The following PDE9A variants were observed in gnomAD, a reference collection of about 807,000 sequenced individuals.
PDE9A encodes high affinity cGMP-specific 3',5'-cyclic phosphodiesterase 9A.
In PDE9A, 60 loss-of-function variants were observed where a neutral mutation model predicts 87.4. The observed-to-expected ratio is 0.69, with a 90% confidence interval of 0.56 to 0.85. The LOEUF (loss-of-function observed/expected upper bound fraction) is 0.85, where lower values mean the gene tolerates loss of function less well. PDE9A is among the 40% of genes least tolerant of loss of function. PDE9A has a pLI of 0.00. For missense variants in PDE9A, 665 were observed against 779.0 expected (o/e 0.85, Z 1.74); for synonymous variants, 272 against 279.4 (o/e 0.97, Z 0.27).
chr21:42,687,704 A>C (rs1384570152), intron 2 of PDE9A, among the ~76,000 whole-genome samples: 4 of 152,190 alleles, frequency 2.6e-5, no homozygotes, highest in Non-Finnish European at 5.9e-5. Context: ...ATCTACACGC[A>C]CTTAGGATTA....
intron 8 of PDE9A, among the ~76,000 whole-genome samples, chr21:42,749,966 C>T (rs889181991): frequency 6.6e-6 from 1 of 150,804 alleles, no homozygotes; most frequent in African/African-American, 2.4e-5. Flanking sequence ...GGTGAAACCC[C>T]GTCTCTACTA....
chr21:42,746,782 G>T (rs545699333), intron 8 of PDE9A, among the ~76,000 whole-genome samples: 1 of 152,330 alleles, frequency 6.6e-6, no homozygotes, highest in South Asian at 2.1e-4. Context: ...CAGGCACGCC[G>T]GGCTGTGGGG....
intron 1 of PDE9A, among the ~76,000 whole-genome samples, chr21:42,683,014 C>CA (rs1418167957): frequency 4.6e-5 from 7 of 152,126 alleles, no homozygotes; most frequent in Non-Finnish European, 7.4e-5. Flanking sequence ...TTTCAGTTTA[C>CA]AAAAAATCTA....
In PDE9A at chr21:42,739,442, C is replaced by T. The variant is rs2052866453; in HGVS notation, c.569-4334C>T. The stretch of plus-strand genomic sequence containing the variant: ...TGAGGAGGCAGGACCCCCGGGGACA[C>T]AGGCACACACATCCACCACATGCTC... On this transcript the variant is annotated intron_variant, in intron 7 of 19. Coordinates refer to ENST00000291539, the MANE Select transcript of PDE9A (RefSeq NM_002606.3). This position sits in a 1 kb window ranked among gnomAD's most constrained non-coding sequence, Gnocchi z 4.1. Among the ~76,000 whole-genome samples, 1 of 152,226 alleles carries T rather than the reference C, an allele frequency of 6.6e-6. No individual in the cohort carries two copies. Among genetic ancestry groups the T allele is most frequent in the Non-Finnish European group, 1.5e-5 (1 of 68,036 alleles).
chr21:42,682,535 C>A (rs944588367), intron 1 of PDE9A, among the ~76,000 whole-genome samples: 9 of 152,180 alleles, frequency 5.9e-5, no homozygotes, highest in African/African-American at 2.2e-4. Flanking sequence ...GAAGCAAAAG[C>A]CTCTGTTGTT....
rs749339820 is a variant in PDE9A at position 42,759,414 on chromosome 21, TGAGA to T, written c.897+331_897+334del. Among the ~76,000 whole-genome samples the T allele has an allele frequency of 1.3e-5, 2 of 148,420 alleles. No homozygotes were observed. Among genetic ancestry groups the T allele is most frequent in the Non-Finnish European group, 3.0e-5 (2 of 66,970 alleles). ...GTGTGTGTGGGAGCGTGTGTGTGTG[TGAGA>T]GTGAGTATGGGGGTGTGGATGTGAG... On this transcript the variant is annotated intron_variant, in intron 11 of 19. Transcript: ENST00000291539. The surrounding 1 kb of genome is among the most constrained non-coding windows in gnomAD (Gnocchi z 7.2).
Position 42,659,248 on chromosome 21 carries a change from G to A in PDE9A, c.69+5365G>A, listed in dbSNP as rs2057311729. 6.6e-6 allele frequency among the ~76,000 whole-genome samples: 1 copy of A among 152,182 alleles called. No homozygotes were observed. Among genetic ancestry groups the A allele is most frequent in the Non-Finnish European group, 1.5e-5 (1 of 68,022 alleles). Reference sequence around the variant, plus strand: ...ATTTCCAATGTCCAGAGGCCCAGGAGGGGACAGCTGGAAGCCAGAAGCCCA... The same window carrying A: ...ATTTCCAATGTCCAGAGGCCCAGGAAGGGACAGCTGGAAGCCAGAAGCCCA... On this transcript the variant is annotated intron_variant, in intron 1 of 19. Transcript: ENST00000291539. This position sits in a 1 kb window ranked among gnomAD's most constrained non-coding sequence, Gnocchi z 4.1.
intron 1 of PDE9A, among the ~76,000 whole-genome samples, chr21:42,655,550 C>A (rs539051718): frequency 1.3e-5 from 2 of 152,286 alleles, no homozygotes; most frequent in African/African-American, 4.8e-5. Flanking sequence ...CATGTGGCAC[C>A]TTTGCGGGGG....
At chr21:42,720,073 G>GAC (rs1178327423) in intron 4 of PDE9A, among the ~76,000 whole-genome samples, 1 of 152,168 alleles carries the variant, frequency 6.6e-6, no homozygotes, top group African/African-American at 2.4e-5. Context: ...AGGTTACAGT[G>GAC]ACACACACAC....
In PDE9A at chr21:42,681,432, G is replaced by A. The variant is rs145182689; in HGVS notation, c.70-4760G>A. The stretch of plus-strand genomic sequence containing the variant: ...CTGATGTACACTTCTGGCTGGGTGC[G>A]TGGGAGCCACACACATCTCTGTGTG... On this transcript the variant is annotated intron_variant, in intron 1 of 19. Coordinates refer to ENST00000291539, the MANE Select transcript of PDE9A (RefSeq NM_002606.3). 5.3e-3 allele frequency among the ~76,000 whole-genome samples: 803 copies of A among 152,302 alleles called. 4 individuals carry two copies. Among genetic ancestry groups the A allele is most frequent in the East Asian group, 7.3e-3 (38 of 5,178 alleles).
chr21:42,766,111 T>G (rs1041391595), intron 15 of PDE9A, among the ~76,000 whole-genome samples: 7 of 152,186 alleles, frequency 4.6e-5, no homozygotes, highest in South Asian at 4.1e-4. Context: ...GGAGGATTGC[T>G]TGAGTCCAAA....
intron 16 of PDE9A, chr21:42,768,557 C>T: frequency 7.8e-7 from 1 of 1,282,380 alleles, no homozygotes; most frequent in Non-Finnish European, 9.8e-7. Flanking sequence ...TTACAAGCAG[C>T]CTTGTCAAAC....
At chr21:42,663,164 A>G (rs1665586360) in intron 1 of PDE9A, among the ~76,000 whole-genome samples, 1 of 149,148 alleles carries the variant, frequency 6.7e-6, no homozygotes, top group African/African-American at 2.5e-5. Flanking sequence ...CATATACATC[A>G]CACACACATC....
intron 13 of PDE9A, 122 bp downstream of exon 13, chr21:42,761,029 C>A: frequency 1.4e-6 from 1 of 705,944 alleles, no homozygotes; most frequent in East Asian, 2.6e-5. Context: ...CTCCCAGCCC[C>A]CAACTCTGCC....
chr21:42,743,730 C>A (rs900173374), intron 7 of PDE9A, 46 bp from the exon 8 acceptor site: 1 of 1,247,856 alleles, frequency 8.0e-7, no homozygotes, highest in Non-Finnish European at 1.2e-6. Flanking sequence ...AGATCCTCCA[C>A]ATTCGTCCGT....
Position 42,722,829 on chromosome 21 carries a change from G to A in PDE9A, c.263-8941G>A, listed in dbSNP as rs189654448. Among the ~76,000 whole-genome samples, 462 of 152,366 alleles carry A rather than the reference G, an allele frequency of 3.0e-3. 1 individual carries two copies. The highest frequency in any genetic ancestry group is 0.011 in the African/African-American group (442 of 41,578). Reference sequence around the variant, plus strand: ...TAGAATCAGAATTATGGGTCAGGCTGTGCTAGCAATCAGTGAAATCAAATT... The same window carrying A: ...TAGAATCAGAATTATGGGTCAGGCTATGCTAGCAATCAGTGAAATCAAATT... On this transcript the variant is annotated intron_variant, in intron 4 of 19. Coordinates refer to ENST00000291539, the MANE Select transcript of PDE9A (RefSeq NM_002606.3). The surrounding 1 kb of genome is among the most constrained non-coding windows in gnomAD (Gnocchi z 4.1).
intron 7 of PDE9A, among the ~76,000 whole-genome samples, chr21:42,738,543 C>T (rs1857683850): frequency 6.6e-6 from 1 of 152,138 alleles, no homozygotes; most frequent in South Asian, 2.1e-4. Flanking sequence ...GCTCGGCTCT[C>T]TCTGACCCCC....
Position 42,762,114 on chromosome 21 carries a change from G to T in PDE9A, c.1117G>T (p.Val373Phe). 6.2e-7 allele frequency: 1 copy of T among 1,614,080 alleles called. No homozygotes were observed. The highest frequency in any genetic ancestry group is 8.5e-7 in the Non-Finnish European group (1 of 1,179,980). ...GATCAATGCCCGCACAGAGCTGGCGGTCCGCTACAATGACATCTCACCGCT... is the reference window on the plus strand; with the variant it reads ...GATCAATGCCCGCACAGAGCTGGCGTTCCGCTACAATGACATCTCACCGCT... ...YQINARTELA[V>F]RYNDISPLEN... The change falls in exon 14 of 20, where the codon GTC (valine) becomes TTC (phenylalanine). Residue 373 changes from valine to phenylalanine, a missense_variant. Transcript: ENST00000291539.
chr21:42,660,640 A>G lies in PDE9A; in HGVS notation c.69+6757A>G, dbSNP rs1168830302. Among the ~76,000 whole-genome samples the G allele has an allele frequency of 1.3e-5, 2 of 149,618 alleles. No homozygotes were observed. Among genetic ancestry groups the G allele is most frequent in the African/African-American group, 5.0e-5 (2 of 40,242 alleles). ...CTATTGGAATTAAAAAAAAAAAAAA[A>G]GATTAAAATGGTTAAAAATAGAAAG... is the stretch of plus-strand genomic sequence containing the variant. On this transcript the variant is annotated intron_variant, in intron 1 of 19. Coordinates refer to ENST00000291539, the MANE Select transcript of PDE9A (RefSeq NM_002606.3). The surrounding 1 kb of genome is among the most constrained non-coding windows in gnomAD (Gnocchi z 4.7).
Sources: gnomAD v4.1 joint callset for allele counts (sites outside exome capture counted in the v4.1 genomes callset) on GRCh38, gnomAD v4.1.1 for gene constraint, Gnocchi (gnomAD v3.1) non-coding constraint, MANE v1.5 for transcripts, NCBI Gene and HGNC (gene_info 2026-07-23, HGNC 2026-07-21) for gene names.